Variants in PTPRM observed in about 807,000 individuals in gnomAD.
PTPRM encodes receptor-type tyrosine-protein phosphatase mu.
Under a neutral mutation model 186.7 loss-of-function variants are expected in PTPRM, and 47 were observed. That is an observed-to-expected ratio of 0.25 (90% confidence interval 0.20 to 0.32). PTPRM has a LOEUF of 0.32. Ranked by LOEUF, PTPRM falls within the 10% of genes least tolerant of loss-of-function variation. PTPRM has a pLI of 1.00. For synonymous variants in PTPRM, 668 were observed against 674.9 expected, an observed-to-expected ratio of 0.99 and a Z score of 0.16; for missense variants, 1,494 against 1,865.0, an observed-to-expected ratio of 0.80 and a Z score of 3.66.
chr18:7,752,349 A>G (rs1165682710), intron 1 of PTPRM, among the ~76,000 whole-genome samples: 2 of 152,144 alleles, frequency 1.3e-5, no homozygotes, highest in African/African-American at 2.4e-5. Flanking sequence ...CCTCGAATAT[A>G]TTCTTTTTTT....
chr18:7,812,990 G>T (rs1278822482), intron 2 of PTPRM, among the ~76,000 whole-genome samples: 1 of 152,204 alleles, frequency 6.6e-6, no homozygotes, highest in Admixed American at 6.5e-5. Flanking sequence ...CTATTCATGT[G>T]CACCTAGCAG....
intron 12 of PTPRM, among the ~76,000 whole-genome samples, chr18:8,114,036 C>T (rs2091864638): frequency 6.6e-6 from 1 of 151,024 alleles, no homozygotes; most frequent in Non-Finnish European, 1.5e-5. Flanking sequence ...GGCAATTCTG[C>T]TTAGCTTACT....
chr18:7,795,963 A>G (rs1432226940), intron 2 of PTPRM, among the ~76,000 whole-genome samples: 1 of 151,516 alleles, frequency 6.6e-6, no homozygotes, highest in Non-Finnish European at 1.5e-5. Context: ...ACAGGCATGC[A>G]CCACTACAGC....
At chr18:8,343,622 CA>C (rs2095487420) in intron 23 of PTPRM, 102 bp downstream of exon 23, 4 of 941,188 alleles carry the variant, frequency 4.2e-6, no homozygotes, top group Middle Eastern at 4.4e-4. Flanking sequence ...GTGTACTCCC[CA>C]AAACATTAAC....
At chr18:8,144,026 C>A (rs183307318) in intron 14 of PTPRM, among the ~76,000 whole-genome samples, 3 of 152,324 alleles carry the variant, frequency 2.0e-5, no homozygotes, top group African/African-American at 7.2e-5. Context: ...TGTGTCTTCC[C>A]ACACAGTGGC....
At chr18:8,232,705 C>T (rs2094301771) in intron 14 of PTPRM, among the ~76,000 whole-genome samples, 1 of 152,146 alleles carries the variant, frequency 6.6e-6, no homozygotes, top group Non-Finnish European at 1.5e-5. Context: ...GTCTCAAACT[C>T]CTGACCTCAA....
chr18:7,762,042 A>T (rs921470230), intron 1 of PTPRM, among the ~76,000 whole-genome samples: 3 of 152,192 alleles, frequency 2.0e-5, no homozygotes, highest in Admixed American at 1.3e-4. Flanking sequence ...GTATTTAATG[A>T]GTGGCAAACA....
At chr18:7,874,984 G>A (rs529903771) in intron 2 of PTPRM, among the ~76,000 whole-genome samples, 1 of 152,126 alleles carries the variant, frequency 6.6e-6, no homozygotes, top group Admixed American at 6.5e-5. Flanking sequence ...CTTGAGGCCA[G>A]GAGTTCGAGA....
intron 1 of PTPRM, among the ~76,000 whole-genome samples, chr18:7,596,200 T>G (rs1187867196): frequency 1.3e-5 from 2 of 152,108 alleles, no homozygotes; most frequent in Non-Finnish European, 2.9e-5. Context: ...ACGGTGACAG[T>G]TGACCAGAGA....
intron 8 of PTPRM, among the ~76,000 whole-genome samples, chr18:8,073,562 G>A (rs1278564358): frequency 6.6e-6 from 1 of 152,050 alleles, no homozygotes; most frequent in Non-Finnish European, 1.5e-5. Flanking sequence ...TTCAACATAG[G>A]ACTAACAATT....
intron 14 of PTPRM, among the ~76,000 whole-genome samples, chr18:8,168,409 A>G (rs1207894875): frequency 2.6e-5 from 4 of 152,228 alleles, no homozygotes; most frequent in African/African-American, 9.6e-5. Flanking sequence ...AAATATCATC[A>G]TAAATATGTA....
At chr18:7,720,088 A>G (rs534859815) in intron 1 of PTPRM, among the ~76,000 whole-genome samples, 22 of 152,202 alleles carry the variant, frequency 1.4e-4, no homozygotes, top group Admixed American at 4.6e-4. Flanking sequence ...GTAGACTTGA[A>G]CAAATGGATA....
At chr18:7,961,108 T>C (rs1385876368) in intron 7 of PTPRM, among the ~76,000 whole-genome samples, 1 of 152,200 alleles carries the variant, frequency 6.6e-6, no homozygotes, top group Non-Finnish European at 1.5e-5. Flanking sequence ...ATCCATCACC[T>C]GAAGCATTTA....
intron 1 of PTPRM, among the ~76,000 whole-genome samples, chr18:7,690,163 T>C: frequency 6.6e-6 from 1 of 152,230 alleles, no homozygotes; most frequent in South Asian, 2.1e-4. Context: ...TACAGAAAGC[T>C]AGACTTCTCT....
chr18:8,309,730 T>C (rs531282616), intron 20 of PTPRM, among the ~76,000 whole-genome samples: 239 of 152,222 alleles, frequency 1.6e-3, no homozygotes, highest in African/African-American at 5.6e-3. Context: ...ATAATAAAAA[T>C]GTCATGTTGC....
chr18:8,247,828 C>G lies in PTPRM; in HGVS notation c.2453-17C>G, dbSNP rs369730249. The G allele has an allele frequency of 6.4e-7, 1 of 1,567,532 alleles. No homozygotes were observed. Among genetic ancestry groups the G allele is most frequent in the African/African-American group, 1.4e-5 (1 of 73,964 alleles). On this transcript the variant is annotated splice_polypyrimidine_tract_variant and intron_variant, in intron 15 of 32. Coordinates refer to ENST00000580170, the MANE Select transcript of PTPRM (RefSeq NM_001105244.2). ...TACCTCTCTGCTGCCCCTGACCAGC[C>G]TCTCTTTTATTTACAGCTGTGTCTT... is the stretch of plus-strand genomic sequence containing the variant.
intron 1 of PTPRM, among the ~76,000 whole-genome samples, chr18:7,621,754 A>G (rs1031508555): frequency 1.3e-5 from 2 of 152,170 alleles, no homozygotes; most frequent in Non-Finnish European, 1.5e-5. Context: ...CTTTCACTTA[A>G]TAATATGCAT....
intron 32 of PTPRM, among the ~76,000 whole-genome samples, chr18:8,398,026 G>A (rs2148619989): frequency 6.6e-6 from 1 of 152,346 alleles, no homozygotes. Context: ...AATATGGAGT[G>A]CAGTGGCGTG....
chr18:7,691,444 T>TG (rs199700099), intron 1 of PTPRM, among the ~76,000 whole-genome samples: 8,265 of 152,278 alleles, frequency 0.054, 312 homozygotes, highest in Admixed American at 0.09. Flanking sequence ...CTACCGATGT[T>TG]TGTGGGAGGA....
Sources: gnomAD v4.1 joint callset for allele counts (sites outside exome capture counted in the v4.1 genomes callset) on GRCh38, gnomAD v4.1.1 for gene constraint, MANE v1.5 for transcripts, NCBI Gene and HGNC (gene_info 2026-07-23, HGNC 2026-07-21) for gene names.